MDM2: variants seen among roughly 807,000 people sequenced by gnomAD.
The protein encoded by MDM2 is E3 ubiquitin-protein ligase Mdm2.
MDM2 carries 11 observed loss-of-function variants against 64.3 expected under a neutral mutation model. That is an observed-to-expected ratio of 0.17 (90% CI 0.11 to 0.28). MDM2 has a LOEUF of 0.28. MDM2 is among the 10% of genes least tolerant of loss of function. The pLI is 1.00. For synonymous variants in MDM2, 194 were observed against 192.9 expected, an observed-to-expected ratio of 1.01 and a Z score of -0.05; for missense variants, 388 against 577.1, an observed-to-expected ratio of 0.67 and a Z score of 3.36.
chr12:68,809,065 C>T, intron 1 of MDM2, 143 bp from the exon 2 acceptor site: 3 of 1,500,498 alleles, frequency 2.0e-6, no homozygotes, highest in South Asian at 1.4e-5. Context: ...GGACGCACGC[C>T]ACTTTTTCTC....
rs1443275908 is a variant in MDM2 at position 68,828,823 on chromosome 12, T to C, written c.576T>C (p.Ser192=). 1.2e-6 allele frequency: 2 copies of C among 1,614,068 alleles called. No individual in the cohort carries two copies. Among genetic ancestry groups the C allele is most frequent in the Admixed American group, 1.7e-5 (1 of 60,010 alleles). ...AACGACAAAGAAAACGCCACAAATC[T>C]GATAGTATTTCCCTTTCCTTTGATG... The part of the protein sequence containing the change: ...SGERQRKRHK[S]DSISLSFDES... The change falls in exon 8 of 11, where the codon TCT becomes TCC. Residue 192 remains serine (S), a synonymous_variant. Coordinates refer to ENST00000258149, the MANE Select transcript of MDM2 (RefSeq NM_002392.6).
chr12:68,839,448 G>C lies in MDM2; in HGVS notation c.1093G>C (p.Val365Leu), dbSNP rs1472333807. The change falls in exon 11 of 11, where the codon GTT (valine) becomes CTT (leucine). Residue 365 changes from valine (V) to leucine (L), a missense_variant. Val to Leu is a conservative substitution (Grantham distance 32). Transcript: ENST00000258149. ...AACACAAGCTGAAGAGGGCTTTGAT[G>C]TTCCTGATTGTAAAAAAACTATAGT... Reference protein sequence around the residue: ...NSTQAEEGFDVPDCKKTIVND... With the variant: ...NSTQAEEGFDLPDCKKTIVND... The C allele has an allele frequency of 1.2e-6, 2 of 1,613,790 alleles. No homozygotes were observed. The highest frequency in any genetic ancestry group is 3.3e-5 in the Admixed American group (2 of 59,938).
At chr12:68,833,621 T>C (rs1883081628) in intron 8 of MDM2, among the ~76,000 whole-genome samples, 1 of 151,758 alleles carries the variant, frequency 6.6e-6, no homozygotes, top group Non-Finnish European at 1.5e-5. Flanking sequence ...TAGTTAATTA[T>C]TTGGGCTCTG....
In MDM2 at chr12:68,841,654, G is replaced by A. The variant is rs779913228; in HGVS notation, c.*1805G>A. 2.9e-5 allele frequency: 6 copies of A among 209,514 alleles called. No individual in the cohort carries two copies. The highest frequency in any genetic ancestry group is 5.9e-5 in the Admixed American group (1 of 16,962). The allele number at this position is 209,514 out of a possible 1,614,324, so 13.0% of individuals were successfully genotyped here. A position where few individuals can be genotyped will look rare whatever the true frequency, so the allele number is the denominator to read the frequency against. On this transcript the variant is annotated 3_prime_UTR_variant, in exon 11 of 11. Coordinates refer to ENST00000258149, the MANE Select transcript of MDM2 (RefSeq NM_002392.6). Reference sequence around the variant, plus strand: ...ACTTTAAAGTACCTTCTTGGCCTGGGTTACATGGTTCCCAGCCTAGGTTTC... The same window carrying A: ...ACTTTAAAGTACCTTCTTGGCCTGGATTACATGGTTCCCAGCCTAGGTTTC...
chr12:68,843,313 A>AGAGT lies in MDM2; in HGVS notation c.*3465_*3468dup, dbSNP rs888128941. On this transcript the variant is annotated 3_prime_UTR_variant, in exon 11 of 11. Coordinates refer to ENST00000258149, the MANE Select transcript of MDM2 (RefSeq NM_002392.6). ...CATTTATTGAGAGAGAGAGAGAGAG[A>AGAGT]GAGTAGGGTGACTATAGTTAATGTA... is the stretch of plus-strand genomic sequence containing the variant. The AGAGT allele has an allele frequency of 8.8e-6, 2 of 228,048 alleles. No homozygotes were observed. Among genetic ancestry groups the AGAGT allele is most frequent in the African/African-American group, 4.6e-5 (2 of 43,416 alleles). 14.1% of individuals were successfully genotyped at this position (228,048 alleles called of 1,614,324 possible).
At chr12:68,828,969 G>A (rs773278707) in intron 8 of MDM2, 38 bp downstream of exon 8, 12 of 1,597,048 alleles carry the variant, frequency 7.5e-6, no homozygotes, top group Admixed American at 5.0e-5. Flanking sequence ...GACTCTTACT[G>A]TTCAAAGTCT....
At chr12:68,815,527 G>T (rs1881294360) in intron 3 of MDM2, 1 of 198,036 alleles carries the variant, frequency 5.0e-6, no homozygotes, top group South Asian at 5.0e-5. Flanking sequence ...CTGCAGCCTG[G>T]ACCTCGTGGG....
Position 68,818,337 on chromosome 12 carries a change from G to A in MDM2, c.308+1392G>A, listed in dbSNP as rs920737538. ...ATAACTTTAAAACAACCTTATTATTGTAAACATAGTATATATTATTATTGA... is the reference window on the plus strand; with the variant it reads ...ATAACTTTAAAACAACCTTATTATTATAAACATAGTATATATTATTATTGA... On this transcript the variant is annotated intron_variant, in intron 4 of 10. Transcript: ENST00000258149. Among the ~76,000 whole-genome samples the A allele has an allele frequency of 6.6e-5, 10 of 151,532 alleles. No homozygotes were observed. In the South Asian group the frequency reaches 8.4e-4, roughly 13 times the overall value.
intron 8 of MDM2, among the ~76,000 whole-genome samples, chr12:68,830,283 C>T (rs3730614): frequency 0.091 from 13,874 of 152,166 alleles, 2,126 homozygotes; most frequent in African/African-American, 0.32. Flanking sequence ...TAATCCTAGT[C>T]TTTTACCTAT....
At chr12:68,814,084 G>C (rs150491658) in intron 3 of MDM2, among the ~76,000 whole-genome samples, 2,449 of 152,264 alleles carry the variant, frequency 0.016, 69 homozygotes, top group African/African-American at 0.055. Flanking sequence ...ACGAAGTCTC[G>C]CTCTGTCACC....
rs1330733959 is a variant in MDM2, at chr12:68,813,558, G to A, written c.104G>A (p.Arg35Lys). ...IPASEQETLV[R>K]PKPLLLKLLK... ...GCAGTTCTTTTCTCTTTATAGGTTA[G>A]ACCAAAGCCATTGCTTTTGAAGTTA... The change falls in exon 3 of 11, where the codon AGA becomes AAA. Residue 35 changes from arginine (R) to lysine (K), a missense_variant. Physicochemically the swap from Arg to Lys is conservative, Grantham distance 26. Around this residue, in one of 5 missense-constraint regions of MDM2, gnomAD observed 46 missense variants for 45.2 expected, o/e 1.02. Transcript: ENST00000258149. 2 of 1,612,228 alleles carry A rather than the reference G, an allele frequency of 1.2e-6. No individual in the cohort carries two copies. Among genetic ancestry groups the A allele is most frequent in the Non-Finnish European group, 1.7e-6 (2 of 1,178,600 alleles).
Position 68,841,114 on chromosome 12 carries a change from G to A in MDM2, c.*1265G>A, listed in dbSNP as rs1348166539. On this transcript the variant is annotated 3_prime_UTR_variant, in exon 11 of 11. Coordinates refer to ENST00000258149, the MANE Select transcript of MDM2 (RefSeq NM_002392.6). The stretch of plus-strand genomic sequence containing the variant: ...ACTCACCTCAGCCTCCCAAAATGCT[G>A]GGATTACAGATGTGAGGCACCTGGC... The A allele has an allele frequency of 5.3e-6, 1 of 189,714 alleles. No individual in the cohort carries two copies. The highest frequency in any genetic ancestry group is 6.2e-5 in the Admixed American group (1 of 16,214). 11.8% of individuals were successfully genotyped at this position (189,714 alleles called of 1,614,324 possible). A position where few individuals can be genotyped will look rare whatever the true frequency, so the allele number is the denominator to read the frequency against.
rs905557215 is a variant in MDM2 at position 68,808,316 on chromosome 12, C to G, written c.-162C>G. ...ACCGAGATCCTGCTGCTTTCGCAGC[C>G]AGGAGCACCGTCCCTCCCCGGATTA... On this transcript the variant is annotated 5_prime_UTR_variant, in exon 1 of 11. Coordinates refer to ENST00000258149, the MANE Select transcript of MDM2 (RefSeq NM_002392.6). 3 of 884,890 alleles carry G rather than the reference C, an allele frequency of 3.4e-6. No homozygotes were observed. Among genetic ancestry groups the G allele is most frequent in the Non-Finnish European group, 5.3e-6 (3 of 564,294 alleles). 54.8% of individuals were successfully genotyped at this position (884,890 alleles called of 1,614,324 possible).
intron 7 of MDM2, among the ~76,000 whole-genome samples, chr12:68,826,128 C>T (rs933441767): frequency 8.6e-5 from 13 of 151,848 alleles, no homozygotes; most frequent in East Asian, 1.9e-4. Context: ...ACAGTAAATA[C>T]GAATGACTAA....
chr12:68,829,908 AT>A (rs1346181132), intron 8 of MDM2, among the ~76,000 whole-genome samples: 2 of 152,200 alleles, frequency 1.3e-5, no homozygotes, highest in East Asian at 3.8e-4. Context: ...TTGGTAAAAA[AT>A]TTTTTTGTTA....
rs2136177065 is a variant in MDM2, at chr12:68,839,314, C to A, written c.959C>A (p.Pro320His). Residue 320 changes from proline (P) to histidine (H), a missense_variant, in exon 11 of 11, where the codon CCC becomes CAC. By Grantham distance (77) the Pro-to-His change is moderately conservative. Around this residue, in one of 5 missense-constraint regions of MDM2, gnomAD observed 138 missense variants for 143.7 expected, o/e 0.96. Coordinates refer to ENST00000258149, the MANE Select transcript of MDM2 (RefSeq NM_002392.6). ...KCTSCNEMNPPLPSHCNRCWA... is the reference protein window; with the variant it reads ...KCTSCNEMNPHLPSHCNRCWA... ...ACTTCATGCAATGAAATGAATCCCC[C>A]CCTTCCATCACATTGCAACAGATGT... 9 of 1,613,748 alleles carry A rather than the reference C, an allele frequency of 5.6e-6. No homozygotes were observed. Among genetic ancestry groups the A allele is most frequent in the Non-Finnish European group, 7.6e-6 (9 of 1,179,934 alleles).
At position 68,814,075 on chromosome 12, in the gene MDM2, C is replaced by T. The variant is rs3730514; in HGVS notation, c.174+447C>T. Among the ~76,000 whole-genome samples the T allele has an allele frequency of 9.1e-3, 1,391 of 152,312 alleles. 12 individuals are homozygous for T. The highest frequency in any genetic ancestry group is 0.023 in the South Asian group (112 of 4,830). ...TATAATGTTTTTTTGTTTTTTGAGA[C>T]GAAGTCTCGCTCTGTCACCCAAGCT... On this transcript the variant is annotated intron_variant, in intron 3 of 10. Transcript: ENST00000258149.
In MDM2 at chr12:68,842,308, T is replaced by A; in HGVS notation, c.*2459T>A. 2.0e-6 allele frequency: 1 copy of A among 496,082 alleles called. No homozygotes were observed. Among genetic ancestry groups the A allele is most frequent in the South Asian group, 1.5e-5 (1 of 64,886 alleles). The allele number at this position is 496,082 out of a possible 1,614,324, so 30.7% of individuals were successfully genotyped here. ...GTCAGGCAAAACTCATCTTGACCCCTGTTGCAGGCAAAGGAACGCAGCTGG... is the reference window on the plus strand; with the variant it reads ...GTCAGGCAAAACTCATCTTGACCCCAGTTGCAGGCAAAGGAACGCAGCTGG... On this transcript the variant is annotated 3_prime_UTR_variant, in exon 11 of 11. Coordinates refer to ENST00000258149, the MANE Select transcript of MDM2 (RefSeq NM_002392.6).
intron 3 of MDM2, 98 bp downstream of exon 3, chr12:68,813,726 T>A: frequency 4.1e-4 from 279 of 684,042 alleles, no homozygotes; most frequent in Non-Finnish European, 6.5e-4. Flanking sequence ...TATAGAAGGA[T>A]TTTTCATTAA....
Sources: allele counts gnomAD v4.1 joint callset (sites outside exome capture counted in the v4.1 genomes callset), GRCh38; gene constraint gnomAD v4.1.1; regional missense constraint gnomAD v4.1.1; transcripts MANE v1.5; gene names NCBI Gene and HGNC (gene_info 2026-07-23, HGNC 2026-07-21).